The following DAB1 variants were observed in gnomAD, a reference collection of about 807,000 sequenced individuals.
DAB1 encodes DAB adaptor protein 1.
DAB1 carries 15 observed loss-of-function variants against 64.6 expected under a neutral mutation model. That is an observed-to-expected ratio of 0.23 (90% confidence interval 0.16 to 0.36). The LOEUF is 0.36. Among genes scored for constraint, DAB1 ranks in the 10% least tolerant of loss-of-function variants. The pLI is 1.00. For synonymous variants in DAB1, 235 were observed against 251.9 expected (o/e 0.93, Z 0.64); for missense variants, 596 against 706.7 (o/e 0.84, Z 1.78).
chr1:57,046,924 C>G (rs1272358723), intron 9 of DAB1, among the ~76,000 whole-genome samples: 1 of 152,188 alleles, frequency 6.6e-6, no homozygotes, highest in East Asian at 1.9e-4. Flanking sequence ...GGCAGTTTGG[C>G]CCAGCAGGAA....
At chr1:58,337,134 T>C (rs140325563) in intron 4 of DAB1, among the ~76,000 whole-genome samples, 3,300 of 151,662 alleles carry the variant, frequency 0.022, 72 homozygotes, top group African/African-American at 0.057. Flanking sequence ...ATACAAAAAT[T>C]AGCCAGGCGT....
chr1:57,041,474 G>C (rs1221188717), intron 9 of DAB1, among the ~76,000 whole-genome samples: 1 of 152,184 alleles, frequency 6.6e-6, no homozygotes, highest in Non-Finnish European at 1.5e-5. Context: ...AGTTCATTGT[G>C]GCTGTGCTGT....
intron 2 of DAB1, among the ~76,000 whole-genome samples, chr1:57,155,406 C>A (rs568731427): frequency 6.6e-6 from 1 of 151,958 alleles, no homozygotes. Flanking sequence ...TAGGCCAGTG[C>A]GGTGCTGTTT....
rs1002354525 is a variant in DAB1 at position 57,111,698 on chromosome 1, T to C, written c.306+24845A>G. The stretch of plus-strand genomic sequence containing the variant: ...TTAAAAACTACACAGTACTTATCAC[T>C]ATCTGAAATTATTTTATTTACATGG... On this transcript the variant is annotated intron_variant, in intron 4 of 14. Transcript: ENST00000371236. Among the ~76,000 whole-genome samples, 4 of 152,196 alleles carry C rather than the reference T, an allele frequency of 2.6e-5. No individual in the cohort carries two copies. The East Asian group carries it at 7.7e-4, about 29-fold the overall frequency.
intron 2 of DAB1, among the ~76,000 whole-genome samples, chr1:57,250,675 T>C (rs1249886001): frequency 6.6e-6 from 1 of 152,222 alleles, no homozygotes; most frequent in Non-Finnish European, 1.5e-5. Context: ...TGCCTATCAT[T>C]ATAGAATATT....
intron 3 of DAB1, among the ~76,000 whole-genome samples, chr1:58,478,643 G>A (rs1325766454): frequency 1.3e-5 from 2 of 151,958 alleles, no homozygotes; most frequent in African/African-American, 4.8e-5. Flanking sequence ...GATAATTATT[G>A]TACAGTGTCA....
rs1048825679 is a variant in DAB1 at position 57,818,821 on chromosome 1, G to T, written n.551+65178C>A. ...GTGTATATATATACATATGGTTAACGGGGCAATTAGGAAACCTTCACAGAA... is the reference window on the plus strand; with the variant it reads ...GTGTATATATATACATATGGTTAACTGGGCAATTAGGAAACCTTCACAGAA... On this transcript the variant is annotated intron_variant and non_coding_transcript_variant, in intron 6 of 20. Transcript: ENST00000485760. Among the ~76,000 whole-genome samples the T allele has an allele frequency of 2.0e-5, 3 of 150,932 alleles. No homozygotes were observed. In the Admixed American group the frequency reaches 2.0e-4, roughly 10 times the overall value.
At chr1:58,489,035 T>C (rs2100368088) in intron 3 of DAB1, among the ~76,000 whole-genome samples, 1 of 152,318 alleles carries the variant, frequency 6.6e-6, no homozygotes, top group South Asian at 2.1e-4. Context: ...AGACGAACGA[T>C]TTCTCCATTT....
intron 5 of DAB1, among the ~76,000 whole-genome samples, chr1:58,130,798 T>C (rs1236321851): frequency 6.6e-6 from 1 of 152,190 alleles, no homozygotes; most frequent in African/African-American, 2.4e-5. Flanking sequence ...CACTCTCTTC[T>C]GGCTTATAGG....
At chr1:58,048,830 T>G in intron 5 of DAB1, 1 of 1,039,856 alleles carries the variant, frequency 9.6e-7, no homozygotes, top group Non-Finnish European at 1.5e-6. Context: ...GAATCATGGT[T>G]GTCAAAGGTT....
At chr1:58,323,053 G>A (rs1662725983) in intron 4 of DAB1, among the ~76,000 whole-genome samples, 2 of 149,406 alleles carry the variant, frequency 1.3e-5, no homozygotes, top group South Asian at 4.3e-4. Context: ...GAACACTTGG[G>A]CACAGGGCGG....
intron 1 of DAB1, among the ~76,000 whole-genome samples, chr1:57,301,947 G>A (rs1425530526): frequency 6.6e-6 from 1 of 152,142 alleles, no homozygotes. Flanking sequence ...AAGACAGGTG[G>A]CAGGCTTCCT....
chr1:57,171,745 T>G (rs970463309), intron 2 of DAB1, among the ~76,000 whole-genome samples: 2 of 152,304 alleles, frequency 1.3e-5, no homozygotes, highest in East Asian at 1.9e-4. Context: ...TACACCTAGG[T>G]TTATGTCTGC....
chr1:58,402,209 G>A (rs1298798168), intron 3 of DAB1, among the ~76,000 whole-genome samples: 5 of 152,154 alleles, frequency 3.3e-5, no homozygotes, highest in African/African-American at 1.2e-4. Flanking sequence ...TTCCAGCAGA[G>A]CTGCCAGCCA....
chr1:57,212,954 A>G (rs1372781665), intron 2 of DAB1, among the ~76,000 whole-genome samples: 2 of 152,180 alleles, frequency 1.3e-5, no homozygotes, highest in Admixed American at 1.3e-4. Flanking sequence ...TAGCCAGTGA[A>G]GTGTGGCAGG....
chr1:57,505,534 G>A (rs1303006258), intron 7 of DAB1, among the ~76,000 whole-genome samples: 1 of 152,176 alleles, frequency 6.6e-6, no homozygotes, highest in Admixed American at 6.5e-5. Context: ...ATGGAAGATG[G>A]GATGGGGATG....
intron 5 of DAB1, among the ~76,000 whole-genome samples, chr1:58,088,257 C>T (rs1455755362): frequency 1.3e-5 from 2 of 152,200 alleles, no homozygotes. Flanking sequence ...TGAACAACAG[C>T]TTTGCCTTAA....
intron 6 of DAB1, among the ~76,000 whole-genome samples, chr1:57,721,478 C>G (rs1647149840): frequency 1.3e-5 from 2 of 152,140 alleles, no homozygotes; most frequent in African/African-American, 4.8e-5. Flanking sequence ...CTCATGAAAT[C>G]CTCACAAGCA....
intron 8 of DAB1, 56 bp from the exon 9 acceptor site, chr1:57,062,999 G>A: frequency 1.3e-6 from 2 of 1,514,842 alleles, no homozygotes; most frequent in Non-Finnish European, 1.8e-6. Flanking sequence ...CAATTTCAAA[G>A]AACAAAGCAA....
Sources: gnomAD v4.1 joint callset for allele counts (sites outside exome capture counted in the v4.1 genomes callset) on GRCh38, gnomAD v4.1.1 for gene constraint, MANE v1.5 for transcripts, NCBI Gene and HGNC (gene_info 2026-07-23, HGNC 2026-07-21) for gene names.